Variants in NXT2 observed in about 807,000 individuals in gnomAD.
NXT2 encodes the protein NTF2-related export protein 2.
In NXT2, 1 loss-of-function variant was observed where a neutral mutation model predicts 9.6. That is an observed-to-expected ratio of 0.10 (90% CI 0.04 to 0.49). The LOEUF (loss-of-function observed/expected upper bound fraction) is 0.49, where lower values mean the gene tolerates loss of function less well. Ranked by LOEUF, NXT2 falls within the 20% of genes least tolerant of loss-of-function variation. The pLI is 0.95. For synonymous variants in NXT2, 22 were observed against 35.4 expected (o/e 0.62, Z 1.34); for missense variants, 48 against 100.3 (o/e 0.48, Z 2.23).
chrX:109,542,427 C>A, intron 3 of NXT2, 80 bp from the exon 4 acceptor site: 1 of 883,570 alleles, frequency 1.1e-6, no homozygotes, highest in Non-Finnish European at 1.5e-6. Flanking sequence ...AGTCCATAAA[C>A]AATGTATTTT....
At chrX:109,538,498 G>C (rs1263591154) in intron 2 of NXT2, among the ~76,000 whole-genome samples, 2 of 111,344 alleles carry the variant, frequency 1.8e-5, no homozygotes. Flanking sequence ...TATGGTTAAG[G>C]TATTATTAGT....
chrX:109,537,036 C>T lies in NXT2; in HGVS notation c.15+15C>T, dbSNP rs1453717253. ...CCACGTCTCTGGTGAGTGCCTGGGC[C>T]GTGGCAGGACGGCTGGGCGCCGGAC... On this transcript the variant is annotated intron_variant, in intron 1 of 3. Transcript: ENST00000372106. The T allele has an allele frequency of 1.7e-5, 20 of 1,201,966 alleles. No homozygotes were observed. The highest frequency in any genetic ancestry group is 2.1e-5 in the Non-Finnish European group (19 of 890,254).
Position 109,541,450 on chromosome X carries a change from T to C in NXT2, c.103-25T>C, listed in dbSNP as rs1393804906. 6.1e-6 allele frequency: 7 copies of C among 1,153,152 alleles called. No homozygotes were observed. In the African/African-American group the frequency reaches 7.2e-5, roughly 12 times the overall value. On this transcript the variant is annotated intron_variant, in intron 2 of 3. Transcript: ENST00000372106. ...TATCTAGAAACAGAATTATTTCCCTTTTTTAAATTTGTCTTTCTTTTTAGG... is the reference window on the plus strand; with the variant it reads ...TATCTAGAAACAGAATTATTTCCCTCTTTTAAATTTGTCTTTCTTTTTAGG...
upstream of NXT2, chrX:109,536,663 C>T (rs758205198): frequency 2.1e-5 from 7 of 336,119 alleles, no homozygotes; most frequent in Non-Finnish European, 2.8e-5. Flanking sequence ...TTTTGCTTGT[C>T]CCCAGGCTTG....
intron 1 of NXT2, among the ~76,000 whole-genome samples, 175 bp from the exon 2 acceptor site, chrX:109,537,869 TA>T (rs2147305341): frequency 8.9e-6 from 1 of 112,440 alleles, no homozygotes; most frequent in East Asian, 2.8e-4. Flanking sequence ...TGAAAAATTT[TA>T]AAATTGCAAA....
At chrX:109,538,223 A>G (rs756246269) in intron 2 of NXT2, 92 bp downstream of exon 2, 10 of 569,857 alleles carry the variant, frequency 1.8e-5, no homozygotes, top group Non-Finnish European at 2.2e-5. Flanking sequence ...TCTGACTTGC[A>G]TAAGTGGTAA....
At chrX:109,541,017 A>G (rs1008785155) in intron 2 of NXT2, among the ~76,000 whole-genome samples, 4 of 112,214 alleles carry the variant, frequency 3.6e-5, no homozygotes, top group Non-Finnish European at 5.6e-5. Context: ...ACATGCAAAT[A>G]TTAAATGTTT....
intron 2 of NXT2, among the ~76,000 whole-genome samples, chrX:109,539,577 G>C (rs1225699189): frequency 1.8e-5 from 2 of 108,843 alleles, no homozygotes; most frequent in Non-Finnish European, 3.8e-5. Context: ...TGACTGGCGT[G>C]AGATGGTATC....
At chrX:109,540,606 G>A (rs975435726) in intron 2 of NXT2, among the ~76,000 whole-genome samples, 8 of 112,039 alleles carry the variant, frequency 7.1e-5, no homozygotes, top group African/African-American at 1.6e-4. Context: ...TATTATAGGC[G>A]TGAGCCACCA....
At chrX:109,539,308 A>G (rs1032529190) in intron 2 of NXT2, among the ~76,000 whole-genome samples, 1 of 112,208 alleles carries the variant, frequency 8.9e-6, no homozygotes, top group Non-Finnish European at 1.9e-5. Context: ...AGTCTTTGCT[A>G]TTGTGAATAG....
intron 3 of NXT2, among the ~76,000 whole-genome samples, chrX:109,541,987 A>G (rs990503550): frequency 9.0e-6 from 1 of 111,709 alleles, no homozygotes; most frequent in Non-Finnish European, 1.9e-5. Context: ...GTATCTTACA[A>G]TCTACTAATA....
At chrX:109,535,845 G>A (rs1933261355), upstream of NXT2, 1 of 1,046,442 alleles carries the variant, frequency 9.6e-7, no homozygotes, top group Non-Finnish European at 1.3e-6. Context: ...GTCCTACCTT[G>A]AAGAGAAAAG....
In NXT2 at chrX:109,544,271, G is replaced by T. The variant is rs1933482186; in HGVS notation, c.*1583G>T. 1 of 112,478 alleles carries T rather than the reference G, an allele frequency of 8.9e-6. No individual in the cohort carries two copies. The highest frequency in any genetic ancestry group is 3.2e-5 in the African/African-American group (1 of 30,964). 9.3% of individuals were successfully genotyped at this position (112,478 alleles called of 1,213,427 possible). A position where few individuals can be genotyped will look rare whatever the true frequency, so the allele number is the denominator to read the frequency against. ...GCCCAAAACTATACACTGTATTTCT[G>T]TTATAGTAACAAAATAGAGTTATGT... On this transcript the variant is annotated 3_prime_UTR_variant, in exon 4 of 4. Transcript: ENST00000372106.
chrX:109,543,441 G>A lies in NXT2; in HGVS notation c.*753G>A, dbSNP rs1390855204. On this transcript the variant is annotated 3_prime_UTR_variant, in exon 4 of 4. Coordinates refer to ENST00000372106, the MANE Select transcript of NXT2 (RefSeq NM_001242617.2). ...ACTAATAGCTTTAACAGGAGAATAG[G>A]GAATGAGAAATAGAAATCCAAGGCT... The A allele has an allele frequency of 9.0e-6, 1 of 111,667 alleles. No homozygotes were observed. Among genetic ancestry groups the A allele is most frequent in the Non-Finnish European group, 1.9e-5 (1 of 52,930 alleles). The allele number at this position is 111,667 out of a possible 1,213,427, so 9.2% of individuals were successfully genotyped here. A position where few individuals can be genotyped will look rare whatever the true frequency, so the allele number is the denominator to read the frequency against.
chrX:109,537,042 A>C (rs376162548), intron 1 of NXT2, 21 bp downstream of exon 1: 1 of 1,202,025 alleles, frequency 8.3e-7, no homozygotes, highest in Non-Finnish European at 1.1e-6. Flanking sequence ...GGGCCGTGGC[A>C]GGACGGCTGG....
chrX:109,541,942 G>A (rs1386051868), intron 3 of NXT2, among the ~76,000 whole-genome samples: 1 of 111,616 alleles, frequency 9.0e-6, no homozygotes, highest in Non-Finnish European at 1.9e-5. Context: ...TGTCTCCAGA[G>A]TAAAATTATA....
At chrX:109,540,618 G>A (rs1244927863) in intron 2 of NXT2, among the ~76,000 whole-genome samples, 2 of 112,179 alleles carry the variant, frequency 1.8e-5, no homozygotes, top group East Asian at 5.6e-4. Flanking sequence ...GAGCCACCAT[G>A]CCTGCCTGGC....
chrX:109,543,938 G>A lies in NXT2; in HGVS notation c.*1250G>A, dbSNP rs1569394799. 8.9e-6 allele frequency: 1 copy of A among 112,087 alleles called. No individual in the cohort carries two copies. The highest frequency in any genetic ancestry group is 1.9e-5 in the Non-Finnish European group (1 of 53,002). 9.2% of individuals were successfully genotyped at this position (112,087 alleles called of 1,213,427 possible). On this transcript the variant is annotated 3_prime_UTR_variant, in exon 4 of 4. Transcript: ENST00000372106. The stretch of plus-strand genomic sequence containing the variant: ...GTAGAATTATTTAATTTTGTGATTT[G>A]TTCTTCCATATGACATTGAGCAAAT...
chrX:109,538,129 C>A lies in NXT2; in HGVS notation c.100C>A (p.Arg34=). The A allele has an allele frequency of 4.5e-6, 5 of 1,123,293 alleles. No homozygotes were observed. The highest frequency in any genetic ancestry group is 6.1e-6 in the Non-Finnish European group (5 of 815,695). The allele number at this position is 1,123,293 out of a possible 1,213,427, so 92.6% of individuals were successfully genotyped here. ...CTATGAGACAATGGATAAAAGAAGA[C>A]GGGTGAGTGTTATAGACTCTACTAC... The part of the protein sequence containing the change: ...IYYETMDKRR[R]ALTRLYLDKA... Residue 34 remains arginine, a splice_region_variant and synonymous_variant, in exon 2 of 4, where the codon CGG becomes AGG. Coordinates refer to ENST00000372106, the MANE Select transcript of NXT2 (RefSeq NM_001242617.2).
Sources: gnomAD v4.1 joint callset for allele counts (sites outside exome capture counted in the v4.1 genomes callset) on GRCh38, gnomAD v4.1.1 for gene constraint, MANE v1.5 for transcripts, NCBI Gene and HGNC (gene_info 2026-07-23, HGNC 2026-07-21) for gene names.